Variants in FBXL17 observed in about 807,000 individuals in gnomAD.
FBXL17 encodes F-box/LRR-repeat protein 17.
In FBXL17, 22 loss-of-function variants were observed where a neutral mutation model predicts 66.2. The ratio of observed to expected loss-of-function variants is 0.33; its 90% CI spans 0.24 to 0.47. The LOEUF (loss-of-function observed/expected upper bound fraction) is 0.47, where lower values mean the gene tolerates loss of function less well. Among genes scored for constraint, FBXL17 ranks in the 20% least tolerant of loss-of-function variants. The pLI is 1.00. For missense variants in FBXL17, 878 were observed against 948.2 expected (o/e 0.93, Z 0.97); for synonymous variants, 474 against 400.5 (o/e 1.18, Z -2.19).
chr5:108,221,178 G>A (rs1754849205), intron 5 of FBXL17, among the ~76,000 whole-genome samples: 1 of 152,090 alleles, frequency 6.6e-6, no homozygotes, highest in Non-Finnish European at 1.5e-5. Context: ...CAAAGTAAAC[G>A]GGAATCCAGT....
At chr5:107,973,837 G>A (rs1240341544) in intron 7 of FBXL17, among the ~76,000 whole-genome samples, 1 of 141,354 alleles carries the variant, frequency 7.1e-6, no homozygotes, top group Non-Finnish European at 1.6e-5. Context: ...GACTTTGGGG[G>A]TAATCTAAAA....
chr5:107,956,260 T>C (rs1310325111), intron 7 of FBXL17, among the ~76,000 whole-genome samples: 1 of 152,216 alleles, frequency 6.6e-6, no homozygotes, highest in African/African-American at 2.4e-5. Context: ...AGAATTACCT[T>C]GCACTTGTTA....
chr5:108,150,056 T>C (rs1751710137), intron 6 of FBXL17, among the ~76,000 whole-genome samples: 1 of 152,194 alleles, frequency 6.6e-6, no homozygotes, highest in Admixed American at 6.5e-5. Context: ...TCACCACATT[T>C]GCTTCATTGC....
At chr5:108,164,519 T>C (rs981977097) in intron 6 of FBXL17, among the ~76,000 whole-genome samples, 1 of 152,182 alleles carries the variant, frequency 6.6e-6, no homozygotes, top group Non-Finnish European at 1.5e-5. Flanking sequence ...TTGAACACTG[T>C]GGTGGTAATG....
intron 6 of FBXL17, among the ~76,000 whole-genome samples, chr5:108,115,974 T>C (rs760621937): frequency 2.6e-5 from 4 of 152,218 alleles, no homozygotes; most frequent in Admixed American, 6.5e-5. Context: ...ATGACTGTTT[T>C]TGTTTGTTTT....
At chr5:108,109,770 A>C (rs900957856) in intron 6 of FBXL17, among the ~76,000 whole-genome samples, 1 of 152,174 alleles carries the variant, frequency 6.6e-6, no homozygotes, top group Admixed American at 6.5e-5. Flanking sequence ...CATTAGCTCA[A>C]TGTAAACAAT....
chr5:108,248,948 T>C (rs372661781), intron 4 of FBXL17, among the ~76,000 whole-genome samples: 20 of 152,030 alleles, frequency 1.3e-4, no homozygotes, highest in African/African-American at 3.6e-4. Flanking sequence ...GCTCGTGAAA[T>C]GAAATCCAAA....
At chr5:108,129,763 C>A (rs183184688) in intron 6 of FBXL17, among the ~76,000 whole-genome samples, 4 of 149,608 alleles carry the variant, frequency 2.7e-5, no homozygotes, top group Admixed American at 2.0e-4. Flanking sequence ...CTGAATAGAA[C>A]AAAGATTTTC....
intron 7 of FBXL17, among the ~76,000 whole-genome samples, chr5:108,009,899 G>C (rs762233421): frequency 7.2e-5 from 11 of 152,160 alleles, no homozygotes; most frequent in Non-Finnish European, 1.2e-4. Context: ...CAACGTGTGG[G>C]ATCTGATGAG....
chr5:108,167,297 T>C (rs1752449728), intron 6 of FBXL17, among the ~76,000 whole-genome samples: 1 of 152,186 alleles, frequency 6.6e-6, no homozygotes, highest in African/African-American at 2.4e-5. Flanking sequence ...GCTAAGATGG[T>C]GATAAAGCAT....
At chr5:108,230,728 T>A (rs199691278) in intron 4 of FBXL17, among the ~76,000 whole-genome samples, 1,657 of 125,760 alleles carry the variant, frequency 0.013, 17 homozygotes, top group African/African-American at 0.02. Flanking sequence ...GAAATAAATT[T>A]AAAAAAAAAA....
At chr5:107,991,381 T>G (rs943438453) in intron 7 of FBXL17, among the ~76,000 whole-genome samples, 8 of 152,270 alleles carry the variant, frequency 5.3e-5, no homozygotes, top group Non-Finnish European at 1.2e-4. Flanking sequence ...AAATATATCC[T>G]CTTTTGGGGG....
intron 7 of FBXL17, among the ~76,000 whole-genome samples, chr5:107,904,349 C>T (rs1430380395): frequency 6.6e-6 from 1 of 152,108 alleles, no homozygotes; most frequent in African/African-American, 2.4e-5. Flanking sequence ...ATAACTCTAC[C>T]ATCTCTTTCA....
intron 6 of FBXL17, among the ~76,000 whole-genome samples, chr5:108,070,583 C>T (rs1748290229): frequency 6.6e-6 from 1 of 152,176 alleles, no homozygotes; most frequent in African/African-American, 2.4e-5. Context: ...TAAATCAAAA[C>T]AGTACTCATT....
At chr5:108,049,825 G>C (rs576732437) in intron 6 of FBXL17, among the ~76,000 whole-genome samples, 219 of 152,266 alleles carry the variant, frequency 1.4e-3, no homozygotes, top group Admixed American at 3.1e-3. Context: ...CCATCAGTGG[G>C]CTGTATTCAG....
chr5:108,189,500 G>A lies in FBXL17; in HGVS notation c.1615-3253C>T, dbSNP rs149167495. 5.7e-4 allele frequency among the ~76,000 whole-genome samples: 87 copies of A among 152,226 alleles called. 1 individual carries two copies. The highest frequency in any genetic ancestry group is 2.0e-3 in the African/African-American group (83 of 41,542). ...ATCTTTGCCCCCACCTCCTGACCCT[G>A]AGAGAAACACAGTGAGAAAATAAAC... On this transcript the variant is annotated intron_variant, in intron 5 of 8. Coordinates refer to ENST00000542267, the MANE Select transcript of FBXL17 (RefSeq NM_001163315.3).
intron 6 of FBXL17, among the ~76,000 whole-genome samples, chr5:108,164,778 G>A (rs184957291): frequency 9.7e-4 from 148 of 152,272 alleles, no homozygotes; most frequent in African/African-American, 1.5e-3. Flanking sequence ...AGTAACTTGC[G>A]CAATGACAAG....
intron 5 of FBXL17, among the ~76,000 whole-genome samples, chr5:108,206,008 CT>C (rs1382484085): frequency 1.3e-5 from 2 of 152,140 alleles, no homozygotes; most frequent in Non-Finnish European, 2.9e-5. Context: ...TTTCTTCATG[CT>C]AAGATTGATC....
chr5:108,376,937 T>C (rs1749468132), intron 1 of FBXL17, among the ~76,000 whole-genome samples: 1 of 152,120 alleles, frequency 6.6e-6, no homozygotes, highest in African/African-American at 2.4e-5. Context: ...TGTAGAATTT[T>C]ATATTTCTGA....
Sources: gnomAD v4.1 joint callset for allele counts (sites outside exome capture counted in the v4.1 genomes callset) on GRCh38, gnomAD v4.1.1 for gene constraint, MANE v1.5 for transcripts, NCBI Gene and HGNC (gene_info 2026-07-23, HGNC 2026-07-21) for gene names.